Variants in FAM120B observed in about 807,000 individuals in gnomAD.
FAM120B encodes the protein constitutive coactivator of peroxisome proliferator-activated receptor gamma.
In FAM120B, 83 loss-of-function variants were observed where a neutral mutation model predicts 96.3. The observed-to-expected ratio is 0.86, with a 90% confidence interval of 0.72 to 1.03. The LOEUF is 1.03. FAM120B is among the 50% of genes least tolerant of loss of function. The pLI is 0.00. For synonymous variants in FAM120B, 407 were observed against 402.7 expected (o/e 1.01, Z -0.13); for missense variants, 1,027 against 1,121.2 (o/e 0.92, Z 1.20).
intron 4 of FAM120B, among the ~76,000 whole-genome samples, chr6:170,336,512 A>G (rs571038012): frequency 7.2e-5 from 11 of 152,324 alleles, no homozygotes; most frequent in African/African-American, 2.6e-4. Context: ...TGTCTTGGCT[A>G]TACGGGCTTT....
chr6:170,390,738 T>A (rs2115318393), intron 7 of FAM120B, among the ~76,000 whole-genome samples: 1 of 152,364 alleles, frequency 6.6e-6, no homozygotes, highest in South Asian at 2.1e-4. Context: ...TGAAGATTCT[T>A]TTTTAGAAAT....
At chr6:170,401,574 G>A (rs983539703) in intron 9 of FAM120B, among the ~76,000 whole-genome samples, 4 of 151,990 alleles carry the variant, frequency 2.6e-5, no homozygotes, top group Admixed American at 2.0e-4. Context: ...GACAGGCACC[G>A]CCAGTATCTC....
At chr6:170,323,019 A>G (rs1459696932) in intron 2 of FAM120B, 60 bp from the exon 3 acceptor site, 3 of 1,429,230 alleles carry the variant, frequency 2.1e-6, no homozygotes, top group African/African-American at 1.5e-5. Flanking sequence ...GACTTTTTCT[A>G]TTTGAAGGTT....
chr6:170,326,899 C>T (rs570945612), intron 3 of FAM120B, among the ~76,000 whole-genome samples: 10 of 152,202 alleles, frequency 6.6e-5, no homozygotes, highest in Admixed American at 2.0e-4. Flanking sequence ...CCACCACACC[C>T]GGCTAATTTT....
upstream of FAM120B, among the ~76,000 whole-genome samples, chr6:170,302,227 AG>A (rs2114981422): frequency 6.6e-6 from 1 of 152,342 alleles, no homozygotes; most frequent in South Asian, 2.1e-4. Flanking sequence ...TTCACCTGGC[AG>A]CAGCAAGGAG....
rs141090434 is a variant in FAM120B at position 170,328,163 on chromosome 6, C to G, written c.1916-2286C>G. Among the ~76,000 whole-genome samples, 55 of 151,098 alleles carry G rather than the reference C, an allele frequency of 3.6e-4. 3 individuals are homozygous for G. In the East Asian group the frequency reaches 0.011, roughly 31 times the overall value. On this transcript the variant is annotated intron_variant, in intron 3 of 10. Coordinates refer to ENST00000476287, the MANE Select transcript of FAM120B (RefSeq NM_032448.3). ...TAACTTAAAATACAAACACATTATACAACTGGACAAAAAATTCTTTCTTTA... is the reference window on the plus strand; with the variant it reads ...TAACTTAAAATACAAACACATTATAGAACTGGACAAAAAATTCTTTCTTTA...
intron 2 of FAM120B, among the ~76,000 whole-genome samples, chr6:170,319,746 G>C (rs1204428642): frequency 6.6e-6 from 1 of 152,214 alleles, no homozygotes; most frequent in East Asian, 1.9e-4. Context: ...AATATGCATT[G>C]AATAAGCAAA....
At chr6:170,398,715 A>G (rs988522532) in intron 9 of FAM120B, among the ~76,000 whole-genome samples, 3 of 148,832 alleles carry the variant, frequency 2.0e-5, no homozygotes, top group South Asian at 2.1e-4. Context: ...TGGGGAAGGT[A>G]GAACTATGTC....
chr6:170,334,735 A>G (rs758681523), intron 4 of FAM120B, among the ~76,000 whole-genome samples: 8 of 152,222 alleles, frequency 5.3e-5, no homozygotes, highest in Non-Finnish European at 8.8e-5. Flanking sequence ...AATAGTGTGA[A>G]GCTTTGTCAA....
At chr6:170,338,178 AT>A (rs1786568360) in intron 4 of FAM120B, among the ~76,000 whole-genome samples, 1 of 152,152 alleles carries the variant, frequency 6.6e-6, no homozygotes, top group South Asian at 2.1e-4. Flanking sequence ...AGTGCTAGAA[AT>A]TTCCATCTTA....
In FAM120B at chr6:170,318,372, G is replaced by A; in HGVS notation, c.982G>A (p.Val328Ile). 3.1e-6 allele frequency: 5 copies of A among 1,614,216 alleles called. No individual in the cohort carries two copies. The highest frequency in any genetic ancestry group is 4.2e-6 in the Non-Finnish European group (5 of 1,180,042). ...AGGTGTAATAACTTTGGACAAACAA[G>A]TAATATCCACGAGTTCAGACGCCGA... ...PKGVITLDKQ[V>I]ISTSSDAESR... The change falls in exon 2 of 11, where the codon GTA (valine) becomes ATA (isoleucine). Residue 328 changes from valine to isoleucine, a missense_variant. Val to Ile is a conservative substitution (Grantham distance 29). Transcript: ENST00000476287.
chr6:170,395,452 C>T, intron 8 of FAM120B, 35 bp from the exon 9 acceptor site: 1 of 1,516,694 alleles, frequency 6.6e-7, no homozygotes, highest in African/African-American at 1.4e-5. Flanking sequence ...AGACATTTGA[C>T]AACTTACTAA....
intron 2 of FAM120B, among the ~76,000 whole-genome samples, chr6:170,319,940 G>T (rs188223882): frequency 6.6e-6 from 1 of 152,348 alleles, no homozygotes; most frequent in African/African-American, 2.4e-5. Context: ...AATTCTGAAA[G>T]TATTACAGCG....
Position 170,317,656 on chromosome 6 carries a change from T to C in FAM120B, c.266T>C (p.Phe89Ser). ...GCTGGGATCAAGTTGATATTCTTCT[T>C]TGATGGCATGGTGGAGCAGGATAAG... ...TAAGIKLIFF[F>S]DGMVEQDKRD... Residue 89 changes from phenylalanine (F) to serine (S), a missense_variant, in exon 2 of 11, where the codon TTT (phenylalanine) becomes TCT (serine). By Grantham distance (155) the Phe-to-Ser change is radical. Coordinates refer to ENST00000476287, the MANE Select transcript of FAM120B (RefSeq NM_032448.3). The C allele has an allele frequency of 6.2e-7, 1 of 1,614,196 alleles. No homozygotes were observed. Among genetic ancestry groups the C allele is most frequent in the Non-Finnish European group, 8.5e-7 (1 of 1,180,042 alleles).
At chr6:170,309,903 C>T (rs1784489130) in intron 1 of FAM120B, among the ~76,000 whole-genome samples, 1 of 152,192 alleles carries the variant, frequency 6.6e-6, no homozygotes, top group Non-Finnish European at 1.5e-5. Context: ...CCTCAATGCT[C>T]TCAAGTGACC....
chr6:170,383,783 C>T (rs969418432), intron 6 of FAM120B, among the ~76,000 whole-genome samples: 9 of 127,924 alleles, frequency 7.0e-5, no homozygotes, highest in African/African-American at 2.4e-4. Context: ...AATCACATGC[C>T]TGGGCATGAA....
At chr6:170,314,140 G>A (rs1361036275) in intron 1 of FAM120B, among the ~76,000 whole-genome samples, 2 of 152,204 alleles carry the variant, frequency 1.3e-5, no homozygotes, top group African/African-American at 2.4e-5. Flanking sequence ...TGACTGTCAG[G>A]AGAATGAGCC....
At chr6:170,364,694 A>C (rs1164530540) in intron 6 of FAM120B, among the ~76,000 whole-genome samples, 1 of 152,138 alleles carries the variant, frequency 6.6e-6, no homozygotes, top group Non-Finnish European at 1.5e-5. Flanking sequence ...TTCTAGTCTC[A>C]AGAGCTGATG....
intron 6 of FAM120B, 96 bp downstream of exon 6, chr6:170,358,414 C>A: frequency 1.1e-6 from 1 of 910,224 alleles, no homozygotes; most frequent in South Asian, 1.5e-5. Flanking sequence ...CAGAAAAGAT[C>A]AGGAAGGTAT....
Sources: allele counts gnomAD v4.1 joint callset (sites outside exome capture counted in the v4.1 genomes callset), GRCh38; gene constraint gnomAD v4.1.1; transcripts MANE v1.5; gene names NCBI Gene and HGNC (gene_info 2026-07-23, HGNC 2026-07-21).